The following GAS2 variants were observed in gnomAD, a reference collection of about 807,000 sequenced individuals.
The protein encoded by GAS2 is growth arrest-specific protein 2.
A neutral mutation model predicts 37.5 loss-of-function variants in GAS2; 20 were observed. The observed-to-expected ratio is 0.53, with a 90% CI of 0.37 to 0.77. GAS2 has a LOEUF of 0.77. Among genes scored for constraint, GAS2 ranks in the 30% least tolerant of loss-of-function variants. The pLI is 0.00. For synonymous variants in GAS2, 144 were observed against 132.2 expected (o/e 1.09, Z -0.61); for missense variants, 336 against 373.4 (o/e 0.90, Z 0.82).
At chr11:22,657,110 G>A (rs1848864591) in intron 1 of GAS2, among the ~76,000 whole-genome samples, 1 of 152,130 alleles carries the variant, frequency 6.6e-6, no homozygotes, top group Admixed American at 6.5e-5. Flanking sequence ...AAGCTAAGTG[G>A]TCAGTCTAAA....
chr11:22,784,356 T>C (rs559941741), intron 7 of GAS2, among the ~76,000 whole-genome samples: 14 of 152,288 alleles, frequency 9.2e-5, no homozygotes, highest in Admixed American at 3.9e-4. Flanking sequence ...GGATTGATGA[T>C]AGTAAGTTAC....
intron 1 of GAS2, 72 bp downstream of exon 1, chr11:22,666,971 C>G (rs955857009): frequency 6.6e-6 from 1 of 152,242 alleles, no homozygotes; most frequent in African/African-American, 2.4e-5. Flanking sequence ...CCGGGGCTCA[C>G]GGGAGCCCCT....
At chr11:22,759,548 T>C (rs1234578099) in intron 7 of GAS2, among the ~76,000 whole-genome samples, 1 of 152,228 alleles carries the variant, frequency 6.6e-6, no homozygotes, top group Non-Finnish European at 1.5e-5. Flanking sequence ...AAGAGCAACA[T>C]TGTTTTTTTG....
upstream of GAS2, among the ~76,000 whole-genome samples, chr11:22,665,517 C>G (rs769255920): frequency 6.6e-6 from 1 of 152,064 alleles, no homozygotes; most frequent in East Asian, 1.9e-4. Flanking sequence ...TTATGTTGAC[C>G]TTTTAAAAAT....
At chr11:22,655,836 G>A (rs1357721479) in intron 1 of GAS2, among the ~76,000 whole-genome samples, 3 of 151,988 alleles carry the variant, frequency 2.0e-5, no homozygotes, top group Non-Finnish European at 2.9e-5. Context: ...TGTCTAGATG[G>A]GCCTGAAAAT....
At chr11:22,704,588 CATATATAT>C (rs3049395) in intron 3 of GAS2, among the ~76,000 whole-genome samples, 5,017 of 90,516 alleles carry the variant, frequency 0.055, 198 homozygotes, top group East Asian at 0.24. Flanking sequence ...TGAAAATAAA[CATATATAT>C]ATATATATAT....
intron 7 of GAS2, among the ~76,000 whole-genome samples, chr11:22,798,670 A>G (rs1285217944): frequency 6.6e-6 from 1 of 152,120 alleles, no homozygotes; most frequent in African/African-American, 2.4e-5. Context: ...AATCGCACGT[A>G]ACTAGAGAAG....
chr11:22,660,660 A>G (rs1021147404), intron 1 of GAS2, among the ~76,000 whole-genome samples: 1 of 152,230 alleles, frequency 6.6e-6, no homozygotes, highest in Non-Finnish European at 1.5e-5. Flanking sequence ...TGCTAAATGT[A>G]GTGACTACGA....
intron 1 of GAS2, among the ~76,000 whole-genome samples, chr11:22,652,778 G>C (rs1164891348): frequency 6.6e-6 from 1 of 152,148 alleles, no homozygotes; most frequent in Non-Finnish European, 1.5e-5. Context: ...CCCTGCTTCG[G>C]CTCGCACACG....
intron 1 of GAS2, among the ~76,000 whole-genome samples, chr11:22,633,538 C>T (rs1276416804): frequency 6.6e-6 from 1 of 152,164 alleles, no homozygotes; most frequent in Admixed American, 6.5e-5. Flanking sequence ...CTGGGTTGAA[C>T]AGTTCAGGCT....
At chr11:22,638,113 T>A (rs1858862043) in intron 1 of GAS2, among the ~76,000 whole-genome samples, 1 of 152,030 alleles carries the variant, frequency 6.6e-6, no homozygotes, top group Admixed American at 6.6e-5. Flanking sequence ...AAATTATACA[T>A]CTTCCCATGT....
chr11:22,649,553 CTT>C (rs1402445050), intron 1 of GAS2, among the ~76,000 whole-genome samples: 1 of 151,496 alleles, frequency 6.6e-6, no homozygotes, highest in Admixed American at 6.6e-5. Flanking sequence ...GTCCTGGACT[CTT>C]TTTGGTTGGT....
At chr11:22,650,947 T>C (rs933679863) in intron 1 of GAS2, among the ~76,000 whole-genome samples, 1 of 152,072 alleles carries the variant, frequency 6.6e-6, no homozygotes, top group Non-Finnish European at 1.5e-5. Flanking sequence ...ATGTGTGAAT[T>C]TGATCCTGTC....
At chr11:22,699,508 G>T (rs1409406243) in intron 3 of GAS2, among the ~76,000 whole-genome samples, 1 of 152,140 alleles carries the variant, frequency 6.6e-6, no homozygotes, top group Non-Finnish European at 1.5e-5. Context: ...GAGGGCTTAA[G>T]AATTAGACTA....
intron 3 of GAS2, among the ~76,000 whole-genome samples, chr11:22,717,436 C>A (rs1343988504): frequency 6.6e-6 from 1 of 152,036 alleles, no homozygotes; most frequent in Non-Finnish European, 1.5e-5. Flanking sequence ...GGAAGACTGG[C>A]AAACCACATG....
intron 1 of GAS2, among the ~76,000 whole-genome samples, chr11:22,650,698 T>G (rs1036418846): frequency 2.6e-5 from 4 of 152,148 alleles, no homozygotes; most frequent in African/African-American, 7.2e-5. Context: ...CTTTTGATCT[T>G]TGTTGGTTTA....
chr11:22,726,218 G>T, intron 3 of GAS2, 74 bp from the exon 4 acceptor site: 1 of 1,468,096 alleles, frequency 6.8e-7, no homozygotes, highest in South Asian at 1.3e-5. Context: ...GCATTTTGTT[G>T]AAAACATGTT....
At chr11:22,795,556 A>C (rs1446692277) in intron 7 of GAS2, among the ~76,000 whole-genome samples, 3 of 152,178 alleles carry the variant, frequency 2.0e-5, no homozygotes, top group African/African-American at 7.2e-5. Context: ...AAGAACACCA[A>C]GTGAAGAATA....
intron 3 of GAS2, among the ~76,000 whole-genome samples, chr11:22,706,483 G>A (rs1328057431): frequency 2.0e-5 from 3 of 148,182 alleles, no homozygotes; most frequent in East Asian, 2.0e-4. Context: ...ATCCCTCCCC[G>A]CTCCCCCCAC....
Sources: gnomAD v4.1 joint callset for allele counts (sites outside exome capture counted in the v4.1 genomes callset) on GRCh38, gnomAD v4.1.1 for gene constraint, MANE v1.5 for transcripts, NCBI Gene and HGNC (gene_info 2026-07-23, HGNC 2026-07-21) for gene names.